Variants in UTRN observed in about 807,000 individuals in gnomAD.
The protein encoded by UTRN is utrophin, also known as dystrophin-related protein 1.
A neutral mutation model predicts 463.9 loss-of-function variants in UTRN; 283 were observed. That is an observed-to-expected ratio of 0.61 (90% CI 0.55 to 0.67). The LOEUF (loss-of-function observed/expected upper bound fraction) is 0.67. Among genes scored for constraint, UTRN ranks in the 30% least tolerant of loss-of-function variants. The pLI is 0.00. For synonymous variants in UTRN, 1,442 were observed against 1,431.5 expected (o/e 1.01, Z -0.17); for missense variants, 3,922 against 4,084.3 (o/e 0.96, Z 1.08).
At chr6:144,380,074 T>C (rs772335990) in intron 2 of UTRN, among the ~76,000 whole-genome samples, 21 of 152,344 alleles carry the variant, frequency 1.4e-4, no homozygotes, top group South Asian at 4.1e-4. Flanking sequence ...AAATGTCATG[T>C]ATATGTTCAA....
At chr6:144,708,443 A>T in intron 53 of UTRN, 1 of 625,406 alleles carries the variant, frequency 1.6e-6, no homozygotes, top group South Asian at 1.6e-5. Context: ...AGAGGCTCTG[A>T]CTCCTCGGGC....
intron 65 of UTRN, among the ~76,000 whole-genome samples, chr6:144,807,402 T>C (rs1215228819): frequency 4.6e-5 from 7 of 152,124 alleles, no homozygotes; most frequent in Admixed American, 3.9e-4. Flanking sequence ...TTTATATATG[T>C]ATATATAAAT....
rs1369963886 is a variant in UTRN, at chr6:144,448,766, A to G, written c.2069A>G (p.Lys690Arg). The part of the protein sequence containing the change: ...RQIHVDIEAK[K>R]KFDAISAELL... Reference sequence around the variant, plus strand: ...ATCCATGTGGATATTGAAGCTAAGAAAAAGTGAGAAGAGATAGAGAAATTG... The same window carrying G: ...ATCCATGTGGATATTGAAGCTAAGAGAAAGTGAGAAGAGATAGAGAAATTG... The change falls in exon 17 of 75, where the codon AAA becomes AGA. Residue 690 changes from lysine to arginine, a missense_variant. Lys to Arg is a conservative substitution (Grantham distance 26). This residue lies in a region of UTRN where 2,349 missense variants were observed against 2,303.8 expected (regional missense o/e 1.02). Coordinates refer to ENST00000367545, the MANE Select transcript of UTRN (RefSeq NM_007124.3). The G allele has an allele frequency of 6.2e-7, 1 of 1,613,134 alleles. No homozygotes were observed. Among genetic ancestry groups the G allele is most frequent in the Non-Finnish European group, 8.5e-7 (1 of 1,179,672 alleles).
chr6:144,745,089 C>G (rs1265685799), intron 54 of UTRN, among the ~76,000 whole-genome samples: 2 of 152,180 alleles, frequency 1.3e-5, no homozygotes, highest in Non-Finnish European at 2.9e-5. Flanking sequence ...CACTCAGTCC[C>G]TCACTGTGAG....
At chr6:144,408,170 G>C (rs564915232) in intron 3 of UTRN, among the ~76,000 whole-genome samples, 81 of 152,312 alleles carry the variant, frequency 5.3e-4, no homozygotes, top group African/African-American at 1.9e-3. Context: ...ATCTGTGATA[G>C]TCCTGATCTG....
intron 51 of UTRN, among the ~76,000 whole-genome samples, chr6:144,665,590 A>G (rs1446796498): frequency 6.6e-6 from 1 of 152,242 alleles, no homozygotes; most frequent in African/African-American, 2.4e-5. Flanking sequence ...TAATTATTAA[A>G]TAAGTAAAAA....
intron 3 of UTRN, among the ~76,000 whole-genome samples, chr6:144,412,583 A>G (rs756642017): frequency 6.6e-6 from 1 of 151,730 alleles, no homozygotes; most frequent in African/African-American, 2.4e-5. Context: ...ACAGATGAGG[A>G]GGGAGAGAGA....
At chr6:144,526,225 C>T (rs1796559587) in intron 41 of UTRN, among the ~76,000 whole-genome samples, 1 of 152,020 alleles carries the variant, frequency 6.6e-6, no homozygotes, top group African/African-American at 2.4e-5. Flanking sequence ...AGTTTAATTC[C>T]ATTGTTTCTT....
At chr6:144,580,181 G>T (rs1332015613) in intron 51 of UTRN, among the ~76,000 whole-genome samples, 2 of 152,080 alleles carry the variant, frequency 1.3e-5, no homozygotes, top group African/African-American at 4.8e-5. Flanking sequence ...ACAGAAGCAT[G>T]GCAAATCATA....
At chr6:144,589,095 A>G (rs996894065) in intron 51 of UTRN, among the ~76,000 whole-genome samples, 2 of 152,266 alleles carry the variant, frequency 1.3e-5, no homozygotes, top group Non-Finnish European at 2.9e-5. Context: ...TAATAGGCTT[A>G]TGTGAAAGTA....
At chr6:144,292,053 TTGTAAAAGGTATA>T (rs751858733) in intron 2 of UTRN, 146 bp downstream of exon 2, 6 of 792,202 alleles carry the variant, frequency 7.6e-6, no homozygotes, top group Non-Finnish European at 1.1e-5. Flanking sequence ...GACTATAATT[TTGTAAAAGGTATA>T]TGTAAAAGGT....
At chr6:144,811,189 A>G (rs1206041745) in intron 65 of UTRN, among the ~76,000 whole-genome samples, 1 of 152,158 alleles carries the variant, frequency 6.6e-6, no homozygotes, top group Non-Finnish European at 1.5e-5. Flanking sequence ...AAAGAAAAAA[A>G]TCTAGAAGCA....
chr6:144,622,189 T>TTTTG (rs1288049256), intron 51 of UTRN, among the ~76,000 whole-genome samples: 7 of 135,628 alleles, frequency 5.2e-5, no homozygotes, highest in African/African-American at 1.7e-4. Flanking sequence ...TTGTTGTTTT[T>TTTTG]TTTTTTTTTT....
chr6:144,451,769 T>C (rs1788340788), intron 18 of UTRN, among the ~76,000 whole-genome samples: 1 of 152,142 alleles, frequency 6.6e-6, no homozygotes, highest in South Asian at 2.1e-4. Context: ...TGGTACTACT[T>C]TTTAGTTAGT....
intron 13 of UTRN, among the ~76,000 whole-genome samples, chr6:144,441,661 A>T (rs1045839158): frequency 2.0e-5 from 3 of 152,126 alleles, no homozygotes; most frequent in Admixed American, 1.3e-4. Context: ...TCACAGCTCC[A>T]CTAGGTGGTG....
chr6:144,782,845 A>G (rs1775964473), intron 61 of UTRN, among the ~76,000 whole-genome samples: 1 of 152,102 alleles, frequency 6.6e-6, no homozygotes, highest in African/African-American at 2.4e-5. Context: ...TTTCTGAAAC[A>G]TTAGGAATTA....
At chr6:144,633,650 A>G (rs760700857) in intron 51 of UTRN, among the ~76,000 whole-genome samples, 3 of 152,182 alleles carry the variant, frequency 2.0e-5, no homozygotes, top group Non-Finnish European at 4.4e-5. Flanking sequence ...GATAGTCACC[A>G]GAGTAGTCAT....
intron 39 of UTRN, among the ~76,000 whole-genome samples, chr6:144,517,272 A>G (rs1339133213): frequency 1.3e-5 from 2 of 152,032 alleles, no homozygotes; most frequent in Non-Finnish European, 1.5e-5. Context: ...AAAAATTTCT[A>G]GTTTAAAAAT....
intron 48 of UTRN, among the ~76,000 whole-genome samples, chr6:144,553,011 T>C (rs2128612726): frequency 6.6e-6 from 1 of 152,334 alleles, no homozygotes; most frequent in South Asian, 2.1e-4. Flanking sequence ...CATGTAAGTA[T>C]AACTTAAGGC....
Sources: allele counts gnomAD v4.1 joint callset (sites outside exome capture counted in the v4.1 genomes callset), GRCh38; gene constraint gnomAD v4.1.1; regional missense constraint gnomAD v4.1.1; transcripts MANE v1.5; gene names NCBI Gene and HGNC (gene_info 2026-07-23, HGNC 2026-07-21).